Variants in ATP9B observed in about 807,000 individuals in gnomAD.
The protein encoded by ATP9B is probable phospholipid-transporting ATPase IIB.
In ATP9B, 110 loss-of-function variants were observed where a neutral mutation model predicts 146.1. The ratio of observed to expected loss-of-function variants is 0.75; its 90% CI spans 0.65 to 0.88. The LOEUF (loss-of-function observed/expected upper bound fraction) is 0.88. ATP9B is among the 40% of genes least tolerant of loss of function. The pLI is 0.00. For missense variants in ATP9B, 1,499 were observed against 1,496.4 expected (o/e 1.00, Z -0.03); for synonymous variants, 604 against 569.7 (o/e 1.06, Z -0.86).
At chr18:79,372,801 G>T in intron 26 of ATP9B, 24 bp from the exon 27 acceptor site, 1 of 1,562,064 alleles carries the variant, frequency 6.4e-7, no homozygotes, top group South Asian at 1.1e-5. Context: ...GCGCACTAAC[G>T]ACGCTCTTCC....
At chr18:79,139,691 C>A (rs1357892573) in intron 5 of ATP9B, among the ~76,000 whole-genome samples, 1 of 152,180 alleles carries the variant, frequency 6.6e-6, no homozygotes, top group African/African-American at 2.4e-5. Context: ...AGTCCACTTA[C>A]ACTCTTTTAG....
intron 1 of ATP9B, among the ~76,000 whole-genome samples, chr18:79,086,966 CT>C (rs1450155861): frequency 6.6e-6 from 1 of 152,130 alleles, no homozygotes; most frequent in Non-Finnish European, 1.5e-5. Context: ...TGCCCTTTGT[CT>C]TAGTTCATTT....
At chr18:79,140,667 C>G (rs1411604312) in intron 5 of ATP9B, among the ~76,000 whole-genome samples, 1 of 152,062 alleles carries the variant, frequency 6.6e-6, no homozygotes, top group Non-Finnish European at 1.5e-5. Context: ...TGTAATCCAG[C>G]TACTTGGGAG....
Position 79,329,089 on chromosome 18 carries a change from G to A in ATP9B, c.1774-52G>A, listed in dbSNP as rs367737784. 740 of 1,452,990 alleles carry A rather than the reference G, an allele frequency of 5.1e-4. 7 individuals carry two copies. In the East Asian group the frequency reaches 0.013, roughly 26 times the overall value. The allele number at this position is 1,452,990 out of a possible 1,614,324, so 90.0% of individuals were successfully genotyped here. A position where few individuals can be genotyped will look rare whatever the true frequency, so the allele number is the denominator to read the frequency against. Reference sequence around the variant, plus strand: ...AGCACTGCCGTGCTGGCTCGCCTGCGTGCGGCTTTCCTGAGGCAGCGGTGG... The same window carrying A: ...AGCACTGCCGTGCTGGCTCGCCTGCATGCGGCTTTCCTGAGGCAGCGGTGG... On this transcript the variant is annotated intron_variant, in intron 15 of 29. Coordinates refer to ENST00000426216, the MANE Select transcript of ATP9B (RefSeq NM_198531.5).
At position 79,377,392 on chromosome 18, in the gene ATP9B, G is replaced by A. The variant is rs911816123; in HGVS notation, c.*9G>A. 1.9e-6 allele frequency: 3 copies of A among 1,605,252 alleles called. No homozygotes were observed. In the Admixed American group the frequency reaches 5.0e-5, roughly 27 times the overall value. On this transcript the variant is annotated 3_prime_UTR_variant, in exon 30 of 30. Coordinates refer to ENST00000426216, the MANE Select transcript of ATP9B (RefSeq NM_198531.5). ...GCAAGCTGGCCTCCTAAGGGGCTGT[G>A]CACCCCCAGCGGGCTGGCCCCAGCA... is the stretch of plus-strand genomic sequence containing the variant.
intron 4 of ATP9B, among the ~76,000 whole-genome samples, chr18:79,123,101 G>C (rs2094217552): frequency 6.6e-6 from 1 of 152,008 alleles, no homozygotes; most frequent in Non-Finnish European, 1.5e-5. Flanking sequence ...GAAGTAAAAG[G>C]CATCTAGATG....
chr18:79,185,390 T>G (rs1300108343), intron 8 of ATP9B, among the ~76,000 whole-genome samples: 5 of 152,184 alleles, frequency 3.3e-5, no homozygotes, highest in Admixed American at 1.3e-4. Context: ...ACATATAAAT[T>G]CAAAAATATG....
At chr18:79,300,206 A>G (rs557725705) in intron 13 of ATP9B, among the ~76,000 whole-genome samples, 6 of 152,230 alleles carry the variant, frequency 3.9e-5, no homozygotes, top group African/African-American at 1.2e-4. Context: ...AGTGGGGTTG[A>G]GAGGTTTGAG....
In ATP9B at chr18:79,374,751, C is replaced by T. The variant is rs528399075; in HGVS notation, c.3275-643C>T. Among the ~76,000 whole-genome samples the T allele has an allele frequency of 5.3e-5, 8 of 152,342 alleles. No homozygotes were observed. The East Asian group carries it at 1.5e-3, about 29-fold the overall frequency. ...CATAAAAGAACTCTCAGAAAATACCCGTGGCTCATAAGAAATGGTTATTTT... is the reference window on the plus strand; with the variant it reads ...CATAAAAGAACTCTCAGAAAATACCTGTGGCTCATAAGAAATGGTTATTTT... On this transcript the variant is annotated intron_variant, in intron 28 of 29. Transcript: ENST00000426216.
intron 13 of ATP9B, among the ~76,000 whole-genome samples, chr18:79,290,132 T>G (rs1599660968): frequency 6.6e-6 from 1 of 152,190 alleles, no homozygotes; most frequent in South Asian, 2.1e-4. Context: ...GGAGAACCAC[T>G]GCTCTCTTCA....
chr18:79,121,414 C>G (rs1044313088), intron 4 of ATP9B, among the ~76,000 whole-genome samples: 3 of 152,264 alleles, frequency 2.0e-5, no homozygotes, highest in African/African-American at 7.2e-5. Context: ...TAGCATAAAT[C>G]TCTGACCTTG....
intron 2 of ATP9B, among the ~76,000 whole-genome samples, chr18:79,105,821 C>T (rs114868057): frequency 0.03 from 4,577 of 152,208 alleles, 203 homozygotes; most frequent in African/African-American, 0.094. Context: ...AATCGGCAGA[C>T]GTTGAGGGCA....
chr18:79,202,718 A>G (rs2095499756), intron 9 of ATP9B, among the ~76,000 whole-genome samples: 1 of 152,252 alleles, frequency 6.6e-6, no homozygotes, highest in South Asian at 2.1e-4. Flanking sequence ...TCCATGTTAG[A>G]AAAATGTTTA....
chr18:79,367,536 A>G (rs1044095301), intron 26 of ATP9B, among the ~76,000 whole-genome samples: 2 of 142,394 alleles, frequency 1.4e-5, no homozygotes, highest in African/African-American at 2.9e-5. Flanking sequence ...GAGCACACAG[A>G]TATCTTCACC....
chr18:79,360,511 G>A (rs1014113937), intron 26 of ATP9B: 3 of 151,770 alleles, frequency 2.0e-5, no homozygotes, highest in African/African-American at 7.3e-5. Flanking sequence ...ACTAACAAAC[G>A]ATACTCTATC....
intron 15 of ATP9B, among the ~76,000 whole-genome samples, chr18:79,327,534 T>C (rs1456497605): frequency 7.2e-6 from 1 of 137,936 alleles, no homozygotes; most frequent in Non-Finnish European, 1.5e-5. Context: ...CTCTCCGTGG[T>C]TAGCGTGCTC....
At chr18:79,375,368 TTTTC>T in intron 28 of ATP9B, 22 bp from the exon 29 acceptor site, 1 of 1,595,000 alleles carries the variant, frequency 6.3e-7, no homozygotes, top group African/African-American at 1.3e-5. Context: ...CTGTCCTTTA[TTTTC>T]TTTATTACTG....
intron 4 of ATP9B, among the ~76,000 whole-genome samples, chr18:79,121,496 C>G (rs567787917): frequency 1.3e-5 from 2 of 152,310 alleles, no homozygotes; most frequent in South Asian, 2.1e-4. Flanking sequence ...CTCCATAAAC[C>G]ACCAATCTGT....
chr18:79,182,650 A>G (rs984611711), intron 8 of ATP9B, among the ~76,000 whole-genome samples: 1 of 33,464 alleles, frequency 3.0e-5, no homozygotes, highest in Non-Finnish European at 5.0e-5. Context: ...GACAAGTCTC[A>G]TATTAGTTAC....
Sources: allele counts gnomAD v4.1 joint callset (sites outside exome capture counted in the v4.1 genomes callset), GRCh38; gene constraint gnomAD v4.1.1; transcripts MANE v1.5; gene names NCBI Gene and HGNC (gene_info 2026-07-23, HGNC 2026-07-21).